The following POTEH variants were observed in gnomAD, a reference collection of about 807,000 sequenced individuals.
The protein encoded by POTEH is ANKRD26-like family C member 3.
In POTEH, 6 loss-of-function variants were observed where a neutral mutation model predicts 41.7. The observed-to-expected ratio is 0.14, with a 90% CI of 0.08 to 0.28. POTEH has a LOEUF of 0.28. Ranked by LOEUF, POTEH falls within the 10% of genes least tolerant of loss-of-function variation. The pLI is 1.00. For missense variants in POTEH, 115 were observed against 533.5 expected (o/e 0.22, Z 7.73); for synonymous variants, 38 against 179.9 (o/e 0.21, Z 6.31).
chr22:15,717,343 A>T (rs1989927410), intron 9 of POTEH, among the ~76,000 whole-genome samples: 1 of 92,854 alleles, frequency 1.1e-5, no homozygotes, highest in Admixed American at 1.2e-4. Flanking sequence ...AAATGGTAGG[A>T]TCTATTTTTA....
chr22:15,691,022 A>G (rs1248014835), intron 1 of POTEH, among the ~76,000 whole-genome samples: 7 of 142,734 alleles, frequency 4.9e-5, no homozygotes, highest in African/African-American at 1.0e-4. Flanking sequence ...ACAATGTTCT[A>G]TACATTAAAA....
At chr22:15,691,261 C>T (rs1264989324) in intron 1 of POTEH, among the ~76,000 whole-genome samples, 2 of 140,704 alleles carry the variant, frequency 1.4e-5, no homozygotes, top group East Asian at 4.0e-4. Flanking sequence ...TGGTGGCTCA[C>T]ACCTGTAATC....
chr22:15,700,338 G>A, intron 5 of POTEH, 123 bp downstream of exon 5: 1 of 530,676 alleles, frequency 1.9e-6, no homozygotes, highest in South Asian at 4.4e-5. Flanking sequence ...GTGTGGCAGT[G>A]AGCTAGTCCC....
chr22:15,713,875 T>G (rs1989871990), intron 9 of POTEH, among the ~76,000 whole-genome samples: 1 of 152,284 alleles, frequency 6.6e-6, no homozygotes. Flanking sequence ...CACTCCTTAA[T>G]TCCAGATCTC....
intron 1 of POTEH, among the ~76,000 whole-genome samples, chr22:15,691,810 A>G (rs899950724): frequency 1.1e-4 from 16 of 149,224 alleles, no homozygotes; most frequent in Admixed American, 2.1e-4. Flanking sequence ...TTAGCGCTTG[A>G]TAATGGTGAT....
rs764443370 is a variant in POTEH at position 15,690,399 on chromosome 22, T to C, written c.322T>C (p.Cys108Arg). 2.9e-6 allele frequency: 4 copies of C among 1,382,524 alleles called. No individual in the cohort carries two copies. Among genetic ancestry groups the C allele is most frequent in the Non-Finnish European group, 4.0e-6 (4 of 1,004,102 alleles). The allele number at this position is 1,382,524 out of a possible 1,614,324, so 85.6% of individuals were successfully genotyped here. A position where few individuals can be genotyped will look rare whatever the true frequency, so the allele number is the denominator to read the frequency against. ...MGKWCCHCFP[C>R]CRGSGKSNVG... ...CAAGTGGTGCTGCCACTGCTTCCCC[T>C]GCTGCAGGGGGAGCGGCAAGAGCAA... Residue 108 changes from cysteine to arginine, a missense_variant, in exon 1 of 11, where the codon TGC (cysteine) becomes CGC (arginine). Transcript: ENST00000343518.
At chr22:15,711,342 A>G (rs1397067026) in intron 9 of POTEH, among the ~76,000 whole-genome samples, 2 of 152,082 alleles carry the variant, frequency 1.3e-5, no homozygotes, top group South Asian at 4.1e-4. Flanking sequence ...AGATTATTTC[A>G]TCAGCCACAT....
At chr22:15,699,659 A>G (rs1431547287) in intron 4 of POTEH, 1 of 244,214 alleles carries the variant, frequency 4.1e-6, no homozygotes, top group East Asian at 1.2e-4. Flanking sequence ...TATTCTTACC[A>G]TTATTATTAA....
Position 15,695,716 on chromosome 22 carries a change from T to A in POTEH, c.819T>A (p.Asp273Glu). 1 of 29,464 alleles carries A rather than the reference T, an allele frequency of 3.4e-5. No individual in the cohort carries two copies. Among genetic ancestry groups the A allele is most frequent in the Non-Finnish European group, 5.4e-5 (1 of 18,428 alleles). The allele number at this position is 29,464 out of a possible 1,614,324, so 1.8% of individuals were successfully genotyped here. A position where few individuals can be genotyped will look rare whatever the true frequency, so the allele number is the denominator to read the frequency against. The change falls in exon 3 of 11, where the codon GAT (aspartate) becomes GAA (glutamate). Residue 273 changes from aspartate (D) to glutamate (E), a missense_variant. Coordinates refer to ENST00000343518, the MANE Select transcript of POTEH (RefSeq NM_001136213.1). Reference protein sequence around the residue: ...LEHGTDPNIPDEYGNTALHYA... With the variant: ...LEHGTDPNIPEEYGNTALHYA... ...ATGGCACTGATCCGAATATTCCAGA[T>A]GAGTATGGAAATACCGCTCTACACT...
At chr22:15,692,240 C>T (rs1215289752) in intron 1 of POTEH, among the ~76,000 whole-genome samples, 3 of 140,936 alleles carry the variant, frequency 2.1e-5, no homozygotes, top group African/African-American at 7.5e-5. Context: ...CTCCTGTCCT[C>T]GTGATCCACC....
At chr22:15,705,430 A>G (rs1989647492) in intron 6 of POTEH, among the ~76,000 whole-genome samples, 1 of 151,610 alleles carries the variant, frequency 6.6e-6, no homozygotes, top group Non-Finnish European at 1.5e-5. Flanking sequence ...AAGAAATAAC[A>G]TTAATTGTTG....
chr22:15,690,468 C>T lies in POTEH; in HGVS notation c.391C>T (p.Leu131Phe). The part of the protein sequence containing the change: ...GDHDDSAMKT[L>F]RSKMGKWCCH... ...CCACGACGACTCTGCTATGAAGACACTCAGGAGCAAGATGGGCAAGTGGTG... is the reference window on the plus strand; with the variant it reads ...CCACGACGACTCTGCTATGAAGACATTCAGGAGCAAGATGGGCAAGTGGTG... Residue 131 changes from leucine (L) to phenylalanine (F), a missense_variant, in exon 1 of 11, where the codon CTC (leucine) becomes TTC (phenylalanine). By Grantham distance (22) the Leu-to-Phe change is conservative. Transcript: ENST00000343518. 1 of 1,419,824 alleles carries T rather than the reference C, an allele frequency of 7.0e-7. No homozygotes were observed. The highest frequency in any genetic ancestry group is 9.7e-7 in the Non-Finnish European group (1 of 1,026,632). 88.0% of individuals were successfully genotyped at this position (1,419,824 alleles called of 1,614,324 possible).
chr22:15,691,347 C>T (rs1348493756), intron 1 of POTEH, among the ~76,000 whole-genome samples: 2 of 128,622 alleles, frequency 1.6e-5, no homozygotes, highest in Non-Finnish European at 3.5e-5. Flanking sequence ...CACGGTGAAA[C>T]CCCGTCTCTA....
chr22:15,714,634 T>A (rs1379323836), intron 9 of POTEH, among the ~76,000 whole-genome samples: 1 of 151,400 alleles, frequency 6.6e-6, no homozygotes, highest in Admixed American at 6.6e-5. Context: ...TTACTTAAAA[T>A]CCCCTTTCTA....
rs1177284303 is a variant in POTEH, at chr22:15,717,091, T to C, written c.1521-2569T>C. 2.4e-5 allele frequency among the ~76,000 whole-genome samples: 2 copies of C among 84,792 alleles called. 1 individual carries two copies. The highest frequency in any genetic ancestry group is 7.3e-5 in the African/African-American group (2 of 27,444). The allele number at this position is 84,792 out of a possible 152,430, so 55.6% of individuals were successfully genotyped here. ...ACCCAGTCTCGGGTATGTACATACGTATATGTGTGAGTGTATATACACACA... is the reference window on the plus strand; with the variant it reads ...ACCCAGTCTCGGGTATGTACATACGCATATGTGTGAGTGTATATACACACA... On this transcript the variant is annotated intron_variant, in intron 9 of 10. Coordinates refer to ENST00000343518, the MANE Select transcript of POTEH (RefSeq NM_001136213.1).
intron 9 of POTEH, among the ~76,000 whole-genome samples, chr22:15,711,500 A>G (rs1420945346): frequency 6.7e-6 from 1 of 150,056 alleles, no homozygotes; most frequent in African/African-American, 2.5e-5. Flanking sequence ...AATATGTGGC[A>G]TTTGATTTTC....
At chr22:15,693,081 G>A (rs1989364729) in intron 1 of POTEH, among the ~76,000 whole-genome samples, 1 of 126,952 alleles carries the variant, frequency 7.9e-6, no homozygotes, top group Non-Finnish European at 1.8e-5. Flanking sequence ...AGTACATAGA[G>A]ATATGTCGAC....
chr22:15,691,063 C>T (rs1300052880), intron 1 of POTEH, among the ~76,000 whole-genome samples: 1 of 143,664 alleles, frequency 7.0e-6, no homozygotes, highest in Non-Finnish European at 1.6e-5. Flanking sequence ...GAATGAAGCC[C>T]CATAACACAT....
At chr22:15,702,800 AC>A (rs2123834318) in intron 6 of POTEH, 44 bp downstream of exon 6, 1 of 403,546 alleles carries the variant, frequency 2.5e-6, no homozygotes, top group Non-Finnish European at 3.9e-6. Flanking sequence ...GTTTTCCCCA[AC>A]CTTTTTGGCA....
Sources: gnomAD v4.1 joint callset for allele counts (sites outside exome capture counted in the v4.1 genomes callset) on GRCh38, gnomAD v4.1.1 for gene constraint, MANE v1.5 for transcripts, NCBI Gene and HGNC (gene_info 2026-07-23, HGNC 2026-07-21) for gene names.